Variants in RAB11A observed in about 807,000 individuals in gnomAD.
RAB11A encodes ras-related protein Rab-11A.
A neutral mutation model predicts 28.0 loss-of-function variants in RAB11A; 9 were observed. The observed-to-expected ratio is 0.32, with a 90% CI of 0.19 to 0.56. The LOEUF is 0.56. RAB11A is among the 20% of genes least tolerant of loss of function. The pLI is 0.91. For synonymous variants in RAB11A, 85 were observed against 88.2 expected (o/e 0.96, Z 0.20); for missense variants, 108 against 269.6 (o/e 0.40, Z 4.20).
chr15:65,887,794 C>G lies in RAB11A; in HGVS notation c.605C>G (p.Pro202Arg). The stretch of plus-strand genomic sequence containing the variant: ...AATGTGGTTCCTATTCATGTTCCAC[C>G]AACCACTGAAAACAAGCCAAAGGTG... ...SNNVVPIHVP[P>R]TTENKPKVQC... The change falls in exon 5 of 5, where the codon CCA becomes CGA. Residue 202 changes from proline (P) to arginine (R), a missense_variant. Physicochemically the swap from Pro to Arg is moderately radical, Grantham distance 103 (BLOSUM62 -2). Around this residue, in one of 2 missense-constraint regions of RAB11A, gnomAD observed 85 missense variants for 145.9 expected, o/e 0.58. Coordinates refer to ENST00000261890, the MANE Select transcript of RAB11A (RefSeq NM_004663.5). 6.2e-7 allele frequency: 1 copy of G among 1,613,634 alleles called. No homozygotes were observed. The highest frequency in any genetic ancestry group is 8.5e-7 in the Non-Finnish European group (1 of 1,179,802).
In RAB11A at chr15:65,877,480, G is replaced by A. The variant is rs767837885; in HGVS notation, c.189G>A (p.Gln63=). The A allele has an allele frequency of 2.5e-6, 4 of 1,614,072 alleles. No individual in the cohort carries two copies. In the African/African-American group the frequency reaches 5.3e-5, roughly 22 times the overall value. The change falls in exon 2 of 5, where the codon CAG becomes CAA. Residue 63 remains glutamine (Q), a synonymous_variant. Coordinates refer to ENST00000261890, the MANE Select transcript of RAB11A (RefSeq NM_004663.5). The surrounding 1 kb of genome is among the most constrained non-coding windows in gnomAD (Gnocchi z 4.1). ...IQVDGKTIKA[Q]IWDTAGQERY... ...TTGATGGAAAAACAATAAAGGCACAGATATGGGACACAGCAGGGCAAGAGC... is the reference window on the plus strand; with the variant it reads ...TTGATGGAAAAACAATAAAGGCACAAATATGGGACACAGCAGGGCAAGAGC...
At chr15:65,869,749 C>T in intron 1 of RAB11A, 124 bp downstream of exon 1, 1 of 1,050,490 alleles carries the variant, frequency 9.5e-7, no homozygotes, top group Non-Finnish European at 1.3e-6. Flanking sequence ...CCTTTTTGTG[C>T]GGTTCCGTCT....
intron 4 of RAB11A, 22 bp downstream of exon 4, chr15:65,879,773 T>A: frequency 6.7e-7 from 1 of 1,500,804 alleles, no homozygotes; most frequent in Non-Finnish European, 9.2e-7. Context: ...ATTTTCAGAT[T>A]ACACCAGTAG....
chr15:65,887,742 C>T lies in RAB11A; in HGVS notation c.553C>T (p.Arg185Cys), dbSNP rs764020784. ...TTCTCAGAAGCAAATGTCAGACAGACGCGAAAATGACATGTCTCCAAGCAA... is the reference window on the plus strand; with the variant it reads ...TTCTCAGAAGCAAATGTCAGACAGATGCGAAAATGACATGTCTCCAAGCAA... ...IVSQKQMSDR[R>C]ENDMSPSNNV... is the part of the protein sequence containing the mutation. The change falls in exon 5 of 5, where the codon CGC becomes TGC. Residue 185 changes from arginine to cysteine, a missense_variant. Transcript: ENST00000261890. 11 of 1,613,344 alleles carry T rather than the reference C, an allele frequency of 6.8e-6. No homozygotes were observed. The highest frequency in any genetic ancestry group is 2.2e-5 in the South Asian group (2 of 90,956).
chr15:65,886,596 C>G (rs2078257337), intron 4 of RAB11A, among the ~76,000 whole-genome samples: 1 of 152,196 alleles, frequency 6.6e-6, no homozygotes, highest in Admixed American at 6.5e-5. Flanking sequence ...GGTACATTCT[C>G]TGTTCTTAAG....
At chr15:65,874,740 C>G (rs372289357) in intron 1 of RAB11A, among the ~76,000 whole-genome samples, 2 of 151,888 alleles carry the variant, frequency 1.3e-5, no homozygotes, top group African/African-American at 2.4e-5. Context: ...AGGGAGGAAA[C>G]CAAAACTTGA....
chr15:65,880,414 A>T (rs182779314), intron 4 of RAB11A, among the ~76,000 whole-genome samples: 7 of 152,322 alleles, frequency 4.6e-5, no homozygotes, highest in Admixed American at 4.6e-4. Flanking sequence ...ATTAGTCTTA[A>T]TCTTCTAATT....
Position 65,891,487 on chromosome 15 carries a change from C to A in RAB11A, c.*3647C>A, listed in dbSNP as rs2078295911. On this transcript the variant is annotated 3_prime_UTR_variant, in exon 5 of 5. Coordinates refer to ENST00000261890, the MANE Select transcript of RAB11A (RefSeq NM_004663.5). ...CACTGGACTGAGTAACGAAGAGATT[C>A]TAGTCATGGCTCTTGTGGTCATTTC... The A allele has an allele frequency of 6.6e-6, 1 of 152,184 alleles. No individual in the cohort carries two copies. The highest frequency in any genetic ancestry group is 1.9e-4 in the East Asian group (1 of 5,198). 9.4% of individuals were successfully genotyped at this position (152,184 alleles called of 1,614,324 possible).
Position 65,877,745 on chromosome 15 carries a change from T to C in RAB11A, c.237-17T>C. On this transcript the variant is annotated splice_polypyrimidine_tract_variant and intron_variant, in intron 2 of 4. Coordinates refer to ENST00000261890, the MANE Select transcript of RAB11A (RefSeq NM_004663.5). The surrounding 1 kb of genome is among the most constrained non-coding windows in gnomAD (Gnocchi z 4.1). ...CATCTTGTGGTTTTCTGATACTAAATATGTTTCTGTTTTCAGATATTATCG... is the reference window on the plus strand; with the variant it reads ...CATCTTGTGGTTTTCTGATACTAAACATGTTTCTGTTTTCAGATATTATCG... 6.4e-7 allele frequency: 1 copy of C among 1,557,024 alleles called. No individual in the cohort carries two copies. Among genetic ancestry groups the C allele is most frequent in the Non-Finnish European group, 8.8e-7 (1 of 1,141,336 alleles).
Position 65,890,956 on chromosome 15 carries a change from T to G in RAB11A, c.*3116T>G, listed in dbSNP as rs540479621. 1.4e-4 allele frequency: 21 copies of G among 152,314 alleles called. 1 individual carries two copies. The highest frequency in any genetic ancestry group is 5.9e-4 in the Admixed American group (9 of 15,302). The allele number at this position is 152,314 out of a possible 1,614,324, so 9.4% of individuals were successfully genotyped here. A position where few individuals can be genotyped will look rare whatever the true frequency, so the allele number is the denominator to read the frequency against. On this transcript the variant is annotated 3_prime_UTR_variant, in exon 5 of 5. Transcript: ENST00000261890. ...AACAAAAAATGAATTTTGTAAAAGGTTATGTATGACTTCCATTTGCTCTGT... is the reference window on the plus strand; with the variant it reads ...AACAAAAAATGAATTTTGTAAAAGGGTATGTATGACTTCCATTTGCTCTGT...
At chr15:65,884,383 G>A (rs1490140560) in intron 4 of RAB11A, among the ~76,000 whole-genome samples, 2 of 152,148 alleles carry the variant, frequency 1.3e-5, no homozygotes, top group Non-Finnish European at 2.9e-5. Context: ...GATGAAATAT[G>A]TAACCCACTG....
At chr15:65,869,769 C>A in intron 1 of RAB11A, 144 bp downstream of exon 1, 1 of 866,224 alleles carries the variant, frequency 1.2e-6, no homozygotes, top group Non-Finnish European at 1.7e-6. Flanking sequence ...TCCTACCCAG[C>A]TCAGCCTCTT....
chr15:65,879,590 A>G, intron 3 of RAB11A, 81 bp from the exon 4 acceptor site: 4 of 1,092,102 alleles, frequency 3.7e-6, no homozygotes, highest in Non-Finnish European at 2.7e-6. Flanking sequence ...AAGTTCTGTT[A>G]TTTTTCCTTT....
At position 65,869,643 on chromosome 15, in the gene RAB11A, C is replaced by G. The variant is rs376773196; in HGVS notation, c.40+18C>G. ...CTTTAAAGGTGAGGCCATGGGCTCT[C>G]GCACTCTACACAGTCCTCGTTCGGG... On this transcript the variant is annotated intron_variant, in intron 1 of 4. Transcript: ENST00000261890. The G allele has an allele frequency of 6.2e-7, 1 of 1,610,088 alleles. No individual in the cohort carries two copies. The highest frequency in any genetic ancestry group is 1.3e-5 in the African/African-American group (1 of 74,904).
chr15:65,884,790 A>T (rs1288504790), intron 4 of RAB11A, among the ~76,000 whole-genome samples: 1 of 150,272 alleles, frequency 6.7e-6, no homozygotes, highest in South Asian at 2.1e-4. Flanking sequence ...CAAAAACCTG[A>T]TAAGAAAGTA....
At chr15:65,880,680 A>G (rs907163266) in intron 4 of RAB11A, among the ~76,000 whole-genome samples, 1 of 152,206 alleles carries the variant, frequency 6.6e-6, no homozygotes, top group Non-Finnish European at 1.5e-5. Flanking sequence ...ATGTAAGCGT[A>G]AAGTCAAGGA....
rs116288434 is a variant in RAB11A at position 65,873,898 on chromosome 15, A to G, written c.41-3434A>G. On this transcript the variant is annotated intron_variant, in intron 1 of 4. Transcript: ENST00000261890. The stretch of plus-strand genomic sequence containing the variant: ...AGCCACTGTGTCCTGCCTTGAACGC[A>G]TTGTATATTAAAAACTTTTGAGGAG... Among the ~76,000 whole-genome samples, 307 of 152,262 alleles carry G rather than the reference A, an allele frequency of 2.0e-3. 1 individual carries two copies. The highest frequency in any genetic ancestry group is 6.8e-3 in the African/African-American group (283 of 41,548).
intron 1 of RAB11A, among the ~76,000 whole-genome samples, chr15:65,876,504 CCA>C (rs1259513749): frequency 6.6e-6 from 1 of 152,016 alleles, no homozygotes; most frequent in African/African-American, 2.4e-5. Flanking sequence ...ACCATGTTGG[CCA>C]GGCTAGTCTC....
At chr15:65,869,692 C>G in intron 1 of RAB11A, 67 bp downstream of exon 1, 1 of 1,537,968 alleles carries the variant, frequency 6.5e-7, no homozygotes, top group Non-Finnish European at 8.9e-7. Context: ...CCCGGTGGAC[C>G]CTCGTGCCGG....
Sources: gnomAD v4.1 joint callset for allele counts (sites outside exome capture counted in the v4.1 genomes callset) on GRCh38, gnomAD v4.1.1 for gene constraint, gnomAD v4.1.1 regional missense constraint, Gnocchi (gnomAD v3.1) non-coding constraint, MANE v1.5 for transcripts, NCBI Gene and HGNC (gene_info 2026-07-23, HGNC 2026-07-21) for gene names.